The following SLC24A2 variants were observed in gnomAD, a reference collection of about 807,000 sequenced individuals.
SLC24A2 encodes solute carrier family 24 member 2, also known as sodium/potassium/calcium exchanger 2.
In SLC24A2, 36 loss-of-function variants were observed where a neutral mutation model predicts 62.0. That is an observed-to-expected ratio of 0.58 (90% CI 0.44 to 0.77). The LOEUF (loss-of-function observed/expected upper bound fraction) is 0.77, where lower values mean the gene tolerates loss of function less well. Among genes scored for constraint, SLC24A2 ranks in the 30% least tolerant of loss-of-function variants. SLC24A2 has a pLI of 0.00. For synonymous variants in SLC24A2, 358 were observed against 294.0 expected (o/e 1.22, Z -2.23); for missense variants, 846 against 817.9 (o/e 1.03, Z -0.42).
At chr9:19,697,599 T>C (rs1480485103) in intron 2 of SLC24A2, among the ~76,000 whole-genome samples, 1 of 152,218 alleles carries the variant, frequency 6.6e-6, no homozygotes, top group African/African-American at 2.4e-5. Flanking sequence ...GTAAATATTT[T>C]AATTTCCTTA....
At chr9:20,062,514 G>A in the SLC24A2 span, among the ~76,000 whole-genome samples, 982 of 124,778 alleles carry the variant, frequency 7.9e-3, 53 homozygotes, top group African/African-American at 0.031. Flanking sequence ...AGACTTAAAC[G>A]TTAGACCTAA....
the SLC24A2 span, among the ~76,000 whole-genome samples, chr9:20,182,362 A>G: frequency 2.0e-5 from 3 of 152,374 alleles, no homozygotes; most frequent in East Asian, 5.8e-4. Context: ...ACTATTCACA[A>G]TAGCAAAGAC....
the SLC24A2 span, among the ~76,000 whole-genome samples, chr9:19,996,235 T>C: frequency 6.6e-6 from 1 of 152,194 alleles, no homozygotes; most frequent in Non-Finnish European, 1.5e-5. Context: ...TTCAGGGTAA[T>C]GCTTCACCAA....
the SLC24A2 span, among the ~76,000 whole-genome samples, chr9:20,172,580 C>T: frequency 1.3e-5 from 2 of 152,076 alleles, no homozygotes; most frequent in African/African-American, 4.8e-5. Flanking sequence ...TCTTTATGCA[C>T]ATAAACTTGA....
chr9:19,888,952 C>T, the SLC24A2 span, among the ~76,000 whole-genome samples: 5 of 152,194 alleles, frequency 3.3e-5, no homozygotes, highest in Non-Finnish European at 7.3e-5. Context: ...ATCCTGACAA[C>T]CTGGTAGCCT....
chr9:20,090,043 A>G, the SLC24A2 span, among the ~76,000 whole-genome samples: 10 of 152,064 alleles, frequency 6.6e-5, no homozygotes, highest in South Asian at 2.1e-4. Context: ...TCTTCAGACT[A>G]AAAAAGGAGC....
the SLC24A2 span, among the ~76,000 whole-genome samples, chr9:20,276,401 C>T: frequency 2.0e-5 from 3 of 152,236 alleles, no homozygotes; most frequent in African/African-American, 7.2e-5. Flanking sequence ...ATCTTGGTCA[C>T]GCTGATGCAA....
chr9:19,533,053 T>C (rs909311183), intron 8 of SLC24A2, among the ~76,000 whole-genome samples: 5 of 152,244 alleles, frequency 3.3e-5, no homozygotes, highest in African/African-American at 1.2e-4. Flanking sequence ...ATATTAATTA[T>C]GTGAGCTGAA....
At chr9:19,854,899 C>G in the SLC24A2 span, among the ~76,000 whole-genome samples, 30 of 152,296 alleles carry the variant, frequency 2.0e-4, no homozygotes, top group African/African-American at 7.0e-4. Context: ...GTGTTAAAGT[C>G]TCCCACTATT....
At chr9:19,563,816 T>TTCTTCCTCCCTC (rs1835526213) in intron 7 of SLC24A2, among the ~76,000 whole-genome samples, 2 of 106,682 alleles carry the variant, frequency 1.9e-5, no homozygotes, top group Non-Finnish European at 3.7e-5. Flanking sequence ...CTTCCTTCCT[T>TTCTTCCTCCCTC]CCTTCCTTCC....
At chr9:19,823,562 G>C in the SLC24A2 span, among the ~76,000 whole-genome samples, 1 of 152,084 alleles carries the variant, frequency 6.6e-6, no homozygotes, top group South Asian at 2.1e-4. Flanking sequence ...CAGGGAGTTG[G>C]AGGTTGCAGT....
rs957213667 is a variant in SLC24A2, at chr9:19,576,832, C to T, written c.1228+92G>A. The T allele has an allele frequency of 4.4e-6, 4 of 898,916 alleles. No homozygotes were observed. In the African/African-American group the frequency reaches 6.5e-5, roughly 15 times the overall value. 55.7% of individuals were successfully genotyped at this position (898,916 alleles called of 1,614,324 possible). A position where few individuals can be genotyped will look rare whatever the true frequency, so the allele number is the denominator to read the frequency against. On this transcript the variant is annotated intron_variant, in intron 6 of 10. Transcript: ENST00000341998. ...TGTGCTGCAGCGGTGTGTGTGTCTG[C>T]ACTGAGTCAGGGGTGCCCACACTGG...
chr9:19,789,030 A>T lies in SLC24A2; in HGVS notation c.-299T>A. ...TCTCGCCAGCCGGGCTGGGTTCGGGAGGAGACTGAGCCGCTGTGAGCCCGG... is the reference window on the plus strand; with the variant it reads ...TCTCGCCAGCCGGGCTGGGTTCGGGTGGAGACTGAGCCGCTGTGAGCCCGG... On this transcript the variant is annotated 5_prime_UTR_variant, in exon 1 of 11. Coordinates refer to ENST00000341998, the MANE Select transcript of SLC24A2 (RefSeq NM_020344.4). 1.2e-6 allele frequency: 1 copy of T among 845,498 alleles called. No individual in the cohort carries two copies. The highest frequency in any genetic ancestry group is 1.4e-6 in the Non-Finnish European group (1 of 702,452). 52.4% of individuals were successfully genotyped at this position (845,498 alleles called of 1,614,324 possible). A position where few individuals can be genotyped will look rare whatever the true frequency, so the allele number is the denominator to read the frequency against.
the SLC24A2 span, among the ~76,000 whole-genome samples, chr9:20,041,357 T>A: frequency 6.6e-6 from 1 of 152,226 alleles, no homozygotes; most frequent in Non-Finnish European, 1.5e-5. Flanking sequence ...CTACAGCATA[T>A]GTTACCGACA....
the SLC24A2 span, among the ~76,000 whole-genome samples, chr9:19,964,665 G>A: frequency 2.0e-5 from 3 of 152,172 alleles, no homozygotes; most frequent in Non-Finnish European, 4.4e-5. Context: ...TTTCTAGGCT[G>A]GGTGGGGCAC....
At chr9:20,037,852 G>A in the SLC24A2 span, among the ~76,000 whole-genome samples, 2 of 152,284 alleles carry the variant, frequency 1.3e-5, no homozygotes, top group East Asian at 3.9e-4. Flanking sequence ...ATTCCACAAG[G>A]AAGAGCCCAG....
chr9:19,910,960 A>T, the SLC24A2 span, among the ~76,000 whole-genome samples: 1 of 150,596 alleles, frequency 6.6e-6, no homozygotes, highest in South Asian at 2.1e-4. Context: ...GTACATGTGC[A>T]CAATGTGCAG....
At chr9:19,660,293 G>C (rs1221253854) in intron 2 of SLC24A2, among the ~76,000 whole-genome samples, 1 of 152,154 alleles carries the variant, frequency 6.6e-6, no homozygotes. Context: ...GGGTGAAGGG[G>C]CGGGAGGCTC....
At chr9:19,706,311 T>C (rs1413687894) in intron 2 of SLC24A2, among the ~76,000 whole-genome samples, 8 of 152,090 alleles carry the variant, frequency 5.3e-5, no homozygotes, top group African/African-American at 1.9e-4. Context: ...TCCTTTTATA[T>C]TGAGCCTATG....
Sources: gnomAD v4.1 joint callset for allele counts (sites outside exome capture counted in the v4.1 genomes callset) on GRCh38, gnomAD v4.1.1 for gene constraint, MANE v1.5 for transcripts, NCBI Gene and HGNC (gene_info 2026-07-23, HGNC 2026-07-21) for gene names.